Variants in USP24 observed in about 807,000 individuals in gnomAD.
USP24 encodes ubiquitin carboxyl-terminal hydrolase 24.
A neutral mutation model predicts 361.6 loss-of-function variants in USP24; 97 were observed. The observed-to-expected ratio is 0.27, with a 90% CI of 0.23 to 0.32. The LOEUF (loss-of-function observed/expected upper bound fraction) is 0.32. Ranked by LOEUF, USP24 falls within the 10% of genes least tolerant of loss-of-function variation. USP24 has a pLI of 1.00. For synonymous variants in USP24, 1,098 were observed against 1,124.6 expected (o/e 0.98, Z 0.47); for missense variants, 2,353 against 3,165.6 (o/e 0.74, Z 6.16).
chr1:55,116,221 C>A (rs1362084211), intron 38 of USP24, among the ~76,000 whole-genome samples: 1 of 151,898 alleles, frequency 6.6e-6, no homozygotes, highest in Non-Finnish European at 1.5e-5. Context: ...ATTCAATTGA[C>A]AACCTAACTT....
intron 10 of USP24, among the ~76,000 whole-genome samples, chr1:55,157,871 C>T (rs892664861): frequency 2.6e-5 from 4 of 151,202 alleles, no homozygotes; most frequent in Non-Finnish European, 5.9e-5. Flanking sequence ...GTCATTCTTA[C>T]AGCTGTCATT....
At position 55,139,003 on chromosome 1, in the gene USP24, T is replaced by C; in HGVS notation, c.2758A>G (p.Lys920Glu). Reference protein sequence around the residue: ...TSVQSPYRSTKLVIIERLLLL... With the variant: ...TSVQSPYRSTELVIIERLLLL... ...AGCAATCTCTCAATTATTACAAGTT[T>C]AGTAGATCTATAGATTAAAAAAAAA... is the stretch of plus-strand genomic sequence containing the variant. The change falls in exon 25 of 68, where the codon AAA (lysine) becomes GAA (glutamate). Residue 920 changes from lysine to glutamate, a missense_variant. Around this residue, in one of 8 missense-constraint regions of USP24, gnomAD observed 949 missense variants for 1,280.5 expected, o/e 0.74. Coordinates refer to ENST00000294383, the MANE Select transcript of USP24 (RefSeq NM_015306.3). The C allele has an allele frequency of 1.2e-6, 2 of 1,610,430 alleles. No individual in the cohort carries two copies. The highest frequency in any genetic ancestry group is 2.2e-5 in the East Asian group (1 of 44,770).
At chr1:55,070,429 A>G (rs991870522) in intron 67 of USP24, among the ~76,000 whole-genome samples, 1 of 152,208 alleles carries the variant, frequency 6.6e-6, no homozygotes, top group Non-Finnish European at 1.5e-5. Flanking sequence ...ACTACGAGAG[A>G]GAAGTGTCAG....
In USP24 at chr1:55,125,554, A is replaced by G. The variant is rs765423230; in HGVS notation, c.3732-6T>C. On this transcript the variant is annotated splice_polypyrimidine_tract_variant and splice_region_variant and intron_variant, in intron 33 of 67. Transcript: ENST00000294383. ...TTTGTCCGACAAGTAAAAATCTTAA[A>G]AAGAAACAGCTAGACTTATTCTGAG... The G allele has an allele frequency of 2.5e-5, 40 of 1,609,496 alleles. No homozygotes were observed. The highest frequency in any genetic ancestry group is 3.4e-5 in the Non-Finnish European group (40 of 1,177,212).
At chr1:55,189,650 C>A (rs1229510795) in intron 1 of USP24, among the ~76,000 whole-genome samples, 1 of 152,132 alleles carries the variant, frequency 6.6e-6, no homozygotes, top group Non-Finnish European at 1.5e-5. Context: ...GATGGTTGCA[C>A]AATTCTGAAT....
At position 55,110,172 on chromosome 1, in the gene USP24, G is replaced by C. The variant is rs901817905; in HGVS notation, c.4570+13C>G. On this transcript the variant is annotated intron_variant, in intron 39 of 67. Coordinates refer to ENST00000294383, the MANE Select transcript of USP24 (RefSeq NM_015306.3). ...CCCAGCCCCTCTCCCCTACATATTAGTCATTTACTTACTTGTCAGATCATC... is the reference window on the plus strand; with the variant it reads ...CCCAGCCCCTCTCCCCTACATATTACTCATTTACTTACTTGTCAGATCATC... 5 of 1,543,012 alleles carry C rather than the reference G, an allele frequency of 3.2e-6. No individual in the cohort carries two copies. In the African/African-American group the frequency reaches 6.9e-5, roughly 21 times the overall value.
At position 55,068,814 on chromosome 1, in the gene USP24, C is replaced by G; in HGVS notation, c.*231G>C. 1 of 548,948 alleles carries G rather than the reference C, an allele frequency of 1.8e-6. No individual in the cohort carries two copies. Among genetic ancestry groups the G allele is most frequent in the East Asian group, 3.0e-5 (1 of 33,852 alleles). 34.0% of individuals were successfully genotyped at this position (548,948 alleles called of 1,614,324 possible). On this transcript the variant is annotated 3_prime_UTR_variant, in exon 68 of 68. Coordinates refer to ENST00000294383, the MANE Select transcript of USP24 (RefSeq NM_015306.3). Reference sequence around the variant, plus strand: ...GAAATGTGAATCCACATATAGACCACGCTCCCGGGACAGCTGATCCACATG... The same window carrying G: ...GAAATGTGAATCCACATATAGACCAGGCTCCCGGGACAGCTGATCCACATG...
At chr1:55,115,495 C>CAAGAAAAA (rs1646085226) in intron 38 of USP24, among the ~76,000 whole-genome samples, 2 of 45,828 alleles carry the variant, frequency 4.4e-5, no homozygotes, top group African/African-American at 6.8e-5. Flanking sequence ...GACTCCGCCT[C>CAAGAAAAA]AAAAAAAAAA....
intron 61 of USP24, among the ~76,000 whole-genome samples, chr1:55,077,823 TACC>T (rs1469416338): frequency 1.3e-5 from 2 of 152,200 alleles, no homozygotes; most frequent in African/African-American, 2.4e-5. Flanking sequence ...TGTGTTAAAA[TACC>T]ACACTTCCAA....
rs779001861 is a variant in USP24 at position 55,159,715 on chromosome 1, C to T, written c.994-30G>A. 10 of 1,533,248 alleles carry T rather than the reference C, an allele frequency of 6.5e-6. No individual in the cohort carries two copies. The South Asian group carries it at 1.1e-4, about 17-fold the overall frequency. The allele number at this position is 1,533,248 out of a possible 1,614,324, so 95.0% of individuals were successfully genotyped here. A position where few individuals can be genotyped will look rare whatever the true frequency, so the allele number is the denominator to read the frequency against. On this transcript the variant is annotated intron_variant, in intron 8 of 67. Transcript: ENST00000294383. Reference sequence around the variant, plus strand: ...AGAAATAAAATGCTACAGTTAAGAACTCCCGAAGCTGTCCCAAAAGTAGAG... The same window carrying T: ...AGAAATAAAATGCTACAGTTAAGAATTCCCGAAGCTGTCCCAAAAGTAGAG...
intron 38 of USP24, among the ~76,000 whole-genome samples, chr1:55,120,070 T>C (rs562456884): frequency 6.6e-6 from 1 of 152,276 alleles, no homozygotes; most frequent in South Asian, 2.1e-4. Flanking sequence ...CCTCCTATCC[T>C]GGGACTAGAC....
At chr1:55,071,294 C>G (rs150292635) in intron 67 of USP24, 16 of 990,752 alleles carry the variant, frequency 1.6e-5, no homozygotes, top group East Asian at 2.2e-4. Context: ...AGTGGGTGTT[C>G]AATACATATT....
chr1:55,169,730 A>G (rs1420981826), intron 5 of USP24, among the ~76,000 whole-genome samples: 2 of 151,658 alleles, frequency 1.3e-5, no homozygotes, highest in African/African-American at 4.9e-5. Flanking sequence ...GTGAAAATAC[A>G]TACTTCAAGG....
intron 24 of USP24, among the ~76,000 whole-genome samples, chr1:55,140,222 A>G (rs987117394): frequency 6.6e-6 from 1 of 152,066 alleles, no homozygotes; most frequent in Admixed American, 6.6e-5. Flanking sequence ...TAGTAAAGAG[A>G]AAAAAACAAA....
intron 4 of USP24, 97 bp downstream of exon 4, chr1:55,172,279 TA>T: frequency 8.5e-7 from 1 of 1,171,280 alleles, no homozygotes. Flanking sequence ...TCCTTAACGA[TA>T]AAATTATTAT....
At chr1:55,086,924 G>A (rs1645263127) in intron 55 of USP24, among the ~76,000 whole-genome samples, 1 of 152,076 alleles carries the variant, frequency 6.6e-6, no homozygotes, top group African/African-American at 2.4e-5. Context: ...CACAATAAAA[G>A]GCTCTTTAAA....
At chr1:55,187,613 T>C (rs760085703) in intron 1 of USP24, among the ~76,000 whole-genome samples, 1 of 152,196 alleles carries the variant, frequency 6.6e-6, no homozygotes, top group Non-Finnish European at 1.5e-5. Context: ...AGTATCAATA[T>C]ACTGTATTTC....
At chr1:55,073,330 T>C (rs979920564) in intron 64 of USP24, among the ~76,000 whole-genome samples, 1 of 152,170 alleles carries the variant, frequency 6.6e-6, no homozygotes, top group Non-Finnish European at 1.5e-5. Context: ...CTACCCATGA[T>C]ATATGACTCA....
intron 42 of USP24, among the ~76,000 whole-genome samples, chr1:55,103,517 C>A (rs644186): frequency 0.86 from 131,211 of 152,212 alleles, 56,641 homozygotes; most frequent in East Asian, 1. Context: ...AATTTAACTG[C>A]ACATAGGCTG....
Sources: allele counts gnomAD v4.1 joint callset (sites outside exome capture counted in the v4.1 genomes callset), GRCh38; gene constraint gnomAD v4.1.1; regional missense constraint gnomAD v4.1.1; transcripts MANE v1.5; gene names NCBI Gene and HGNC (gene_info 2026-07-23, HGNC 2026-07-21).